The following TAF4B variants were observed in gnomAD, a reference collection of about 807,000 sequenced individuals.
TAF4B encodes transcription initiation factor TFIID subunit 4B.
TAF4B carries 38 observed loss-of-function variants against 86.4 expected under a neutral mutation model. That is an observed-to-expected ratio of 0.44 (90% confidence interval 0.34 to 0.58). TAF4B has a LOEUF of 0.58. Ranked by LOEUF, TAF4B falls within the 20% of genes least tolerant of loss-of-function variation. TAF4B has a pLI of 0.02. For synonymous variants in TAF4B, 388 were observed against 391.2 expected (o/e 0.99, Z 0.10); for missense variants, 988 against 1,027.6 (o/e 0.96, Z 0.53).
chr18:26,250,177 G>A (rs966704361), intron 1 of TAF4B, among the ~76,000 whole-genome samples: 3 of 152,138 alleles, frequency 2.0e-5, no homozygotes, highest in African/African-American at 4.8e-5. Flanking sequence ...GGGACCACAG[G>A]CAGGTACCAC....
At position 26,226,883 on chromosome 18, in the gene TAF4B, A is replaced by T; in HGVS notation, c.-51A>T. 2 of 1,316,722 alleles carry T rather than the reference A, an allele frequency of 1.5e-6. No individual in the cohort carries two copies. Among genetic ancestry groups the T allele is most frequent in the South Asian group, 4.1e-5 (2 of 49,142 alleles). The allele number at this position is 1,316,722 out of a possible 1,614,324, so 81.6% of individuals were successfully genotyped here. ...GCTGCCGCGCGCCAAGCCTCCCCTC[A>T]CCTCTGCTCCCGGAACCGCAGCGCC... On this transcript the variant is annotated 5_prime_UTR_variant, in exon 1 of 15. Coordinates refer to ENST00000269142, the MANE Select transcript of TAF4B (RefSeq NM_005640.3).
chr18:26,351,933 A>G (rs546926003), intron 13 of TAF4B, among the ~76,000 whole-genome samples: 14 of 152,316 alleles, frequency 9.2e-5, no homozygotes, highest in African/African-American at 2.4e-4. Context: ...AGGTTTTTCT[A>G]TTCCACTTGA....
rs1409633513 is a variant in TAF4B at position 26,249,202 on chromosome 18, G to T, written c.344-15968G>T. On this transcript the variant is annotated intron_variant, in intron 1 of 14. Transcript: ENST00000269142. ...AAAAAAAAAAAGAGGAACCTGGCTG[G>T]GTGCGGTGGCTCATGCCTGTAATCC... Among the ~76,000 whole-genome samples the T allele has an allele frequency of 2.0e-5, 3 of 152,138 alleles. No individual in the cohort carries two copies. In the East Asian group the frequency reaches 5.8e-4, roughly 29 times the overall value.
In TAF4B at chr18:26,375,480, T is replaced by G. The variant is rs115262048; in HGVS notation, c.2422-14365T>G. Among the ~76,000 whole-genome samples, 740 of 152,338 alleles carry G rather than the reference T, an allele frequency of 4.9e-3. 8 individuals carry two copies. The highest frequency in any genetic ancestry group is 0.017 in the African/African-American group (701 of 41,580). The stretch of plus-strand genomic sequence containing the variant: ...TTGGTGTTTTTGGGAACTGCCAAAC[T>G]GCTTTCCATAGCAACTGCATGATTT... On this transcript the variant is annotated intron_variant, in intron 14 of 14. Transcript: ENST00000269142.
At chr18:26,338,966 C>G (rs1458406098) in intron 13 of TAF4B, among the ~76,000 whole-genome samples, 1 of 152,122 alleles carries the variant, frequency 6.6e-6, no homozygotes, top group Admixed American at 6.5e-5. Flanking sequence ...AAACAGACTG[C>G]CTTTGGGTTG....
chr18:26,330,214 A>G (rs2057039763), intron 12 of TAF4B, among the ~76,000 whole-genome samples: 1 of 152,204 alleles, frequency 6.6e-6, no homozygotes, highest in Non-Finnish European at 1.5e-5. Flanking sequence ...GCACCCTACC[A>G]TGTGGAAGAG....
intron 11 of TAF4B, among the ~76,000 whole-genome samples, chr18:26,325,663 C>G (rs1392702157): frequency 1.3e-5 from 2 of 152,040 alleles, no homozygotes; most frequent in African/African-American, 4.8e-5. Context: ...TAAATTAAAT[C>G]CCATCATTAA....
intron 5 of TAF4B, among the ~76,000 whole-genome samples, chr18:26,280,029 G>A (rs1027459487): frequency 7.6e-6 from 1 of 132,252 alleles, no homozygotes; most frequent in Admixed American, 8.1e-5. Flanking sequence ...AGGTGACACA[G>A]TGAGACTCTA....
intron 9 of TAF4B, among the ~76,000 whole-genome samples, chr18:26,309,814 C>T (rs935386059): frequency 3.9e-5 from 6 of 152,020 alleles, no homozygotes; most frequent in African/African-American, 1.2e-4. Context: ...CCATGGTCAT[C>T]CTATTAATAT....
chr18:26,268,970 G>A (rs961581421), intron 3 of TAF4B, among the ~76,000 whole-genome samples: 2 of 152,038 alleles, frequency 1.3e-5, no homozygotes, highest in Non-Finnish European at 2.9e-5. Context: ...TTACAGGTGT[G>A]TGCCACCATG....
chr18:26,368,916 C>G (rs1486648175), intron 14 of TAF4B, among the ~76,000 whole-genome samples: 1 of 151,990 alleles, frequency 6.6e-6, no homozygotes, highest in African/African-American at 2.4e-5. Flanking sequence ...CATTTTTTCA[C>G]AAGTCCCACA....
At chr18:26,382,454 G>A (rs924436921) in intron 14 of TAF4B, among the ~76,000 whole-genome samples, 4 of 152,004 alleles carry the variant, frequency 2.6e-5, no homozygotes, top group African/African-American at 9.7e-5. Context: ...TTAATGTTTG[G>A]AGAAAATGGC....
chr18:26,375,757 A>C (rs2057438506), intron 14 of TAF4B, among the ~76,000 whole-genome samples: 1 of 152,156 alleles, frequency 6.6e-6, no homozygotes, highest in African/African-American at 2.4e-5. Flanking sequence ...ACTTGTATTT[A>C]GTTGTCATAT....
chr18:26,304,656 C>T (rs2056776053), intron 9 of TAF4B: 1 of 925,864 alleles, frequency 1.1e-6, no homozygotes, highest in African/African-American at 1.8e-5. Flanking sequence ...GTCTCAGATA[C>T]ACTTTTCCCA....
intron 11 of TAF4B, among the ~76,000 whole-genome samples, chr18:26,321,636 C>T (rs541694465): frequency 4.6e-5 from 7 of 150,802 alleles, no homozygotes; most frequent in African/African-American, 1.7e-4. Context: ...AGGTATACAA[C>T]GTGTTAAAGA....
At chr18:26,365,540 T>A (rs2057366112) in intron 14 of TAF4B, among the ~76,000 whole-genome samples, 1 of 152,136 alleles carries the variant, frequency 6.6e-6, no homozygotes, top group Admixed American at 6.5e-5. Flanking sequence ...ACTCTGGTGG[T>A]TGACATGTGT....
intron 6 of TAF4B, 97 bp from the exon 7 acceptor site, chr18:26,285,785 G>T: frequency 7.2e-7 from 1 of 1,397,040 alleles, no homozygotes; most frequent in Admixed American, 2.2e-5. Flanking sequence ...ATACACTTTT[G>T]ATTGGTTTTA....
At chr18:26,247,540 C>T (rs1568102522) in intron 1 of TAF4B, among the ~76,000 whole-genome samples, 1 of 151,942 alleles carries the variant, frequency 6.6e-6, no homozygotes, top group Non-Finnish European at 1.5e-5. Flanking sequence ...AAAATATTAC[C>T]CTCCCCCCAA....
intron 13 of TAF4B, among the ~76,000 whole-genome samples, chr18:26,341,158 A>G (rs543045007): frequency 1.8e-4 from 27 of 152,252 alleles, no homozygotes; most frequent in Non-Finnish European, 2.5e-4. Flanking sequence ...TCAGGCTGCC[A>G]TTATCAAGAG....
Sources: gnomAD v4.1 joint callset for allele counts (sites outside exome capture counted in the v4.1 genomes callset) on GRCh38, gnomAD v4.1.1 for gene constraint, MANE v1.5 for transcripts, NCBI Gene and HGNC (gene_info 2026-07-23, HGNC 2026-07-21) for gene names.